SYT6: variants seen among roughly 807,000 people sequenced by gnomAD.
SYT6 encodes the protein synaptotagmin 6.
A neutral mutation model predicts 38.4 loss-of-function variants in SYT6; 24 were observed. The ratio of observed to expected loss-of-function variants is 0.62; its 90% CI spans 0.45 to 0.88. The LOEUF is 0.88. Among genes scored for constraint, SYT6 ranks in the 40% least tolerant of loss-of-function variants. SYT6 has a pLI of 0.00. For synonymous variants in SYT6, 265 were observed against 241.9 expected (o/e 1.10, Z -0.89); for missense variants, 611 against 621.0 (o/e 0.98, Z 0.17).
intron 3 of SYT6, among the ~76,000 whole-genome samples, chr1:114,130,733 T>C (rs1312820464): frequency 6.6e-6 from 1 of 152,218 alleles, no homozygotes; most frequent in African/African-American, 2.4e-5. Flanking sequence ...AGTTAGTTGT[T>C]CTAGGACCCA....
At chr1:114,100,038 G>A (rs1158922218) in intron 4 of SYT6, among the ~76,000 whole-genome samples, 1 of 152,112 alleles carries the variant, frequency 6.6e-6, no homozygotes, top group Non-Finnish European at 1.5e-5. Context: ...ATCCTGCAAA[G>A]AGATGCTTTT....
intron 3 of SYT6, among the ~76,000 whole-genome samples, chr1:114,113,707 C>T (rs868522502): frequency 6.6e-6 from 1 of 152,186 alleles, no homozygotes. Flanking sequence ...TCCAGTGCCA[C>T]ACGGAGGCCA....
At chr1:114,092,159 A>T in intron 7 of SYT6, 77 bp from the exon 8 acceptor site, 2 of 1,342,304 alleles carry the variant, frequency 1.5e-6, no homozygotes, top group Non-Finnish European at 1.0e-6. Context: ...AACTGGCCCA[A>T]TGCACTGAAT....
intron 1 of SYT6, among the ~76,000 whole-genome samples, chr1:114,151,521 G>C (rs1429732194): frequency 1.3e-5 from 2 of 152,092 alleles, no homozygotes; most frequent in African/African-American, 4.8e-5. Context: ...CCCCTACCAA[G>C]ATGTGCTGCA....
At chr1:114,126,164 C>G (rs993320411) in intron 3 of SYT6, among the ~76,000 whole-genome samples, 3 of 152,174 alleles carry the variant, frequency 2.0e-5, no homozygotes, top group Non-Finnish European at 2.9e-5. Flanking sequence ...TGACTCCCAA[C>G]CACCCCAAGC....
chr1:114,104,722 C>A (rs1010783843), intron 3 of SYT6, among the ~76,000 whole-genome samples: 3 of 152,140 alleles, frequency 2.0e-5, no homozygotes, highest in Non-Finnish European at 4.4e-5. Context: ...TATTGAGCAC[C>A]TGTTATGTGC....
chr1:114,148,701 A>G (rs1679283281), intron 1 of SYT6, among the ~76,000 whole-genome samples: 1 of 139,898 alleles, frequency 7.1e-6, no homozygotes, highest in South Asian at 2.3e-4. Context: ...TTATTTATTT[A>G]TTAATACATA....
At chr1:114,105,981 C>T (rs983310508) in intron 3 of SYT6, among the ~76,000 whole-genome samples, 7 of 152,146 alleles carry the variant, frequency 4.6e-5, no homozygotes, top group East Asian at 1.9e-4. Context: ...TCTAGCGGGG[C>T]GTAACCAGTT....
chr1:114,145,442 T>C (rs942305270), intron 1 of SYT6, among the ~76,000 whole-genome samples: 1 of 151,656 alleles, frequency 6.6e-6, no homozygotes, highest in Non-Finnish European at 1.5e-5. Flanking sequence ...TTCTGAAGTA[T>C]CACCTCTGTG....
chr1:114,096,023 T>A (rs1444547207), intron 6 of SYT6, among the ~76,000 whole-genome samples: 1 of 151,852 alleles, frequency 6.6e-6, no homozygotes, highest in African/African-American at 2.4e-5. Flanking sequence ...TTCCATGCCC[T>A]CCCCCTAAGC....
intron 2 of SYT6, 68 bp from the exon 3 acceptor site, chr1:114,138,121 C>G: frequency 6.8e-7 from 1 of 1,474,140 alleles, no homozygotes; most frequent in Non-Finnish European, 9.1e-7. Context: ...TGAAGGCAAA[C>G]ACGAGCCTGG....
chr1:114,149,791 T>A (rs1339736389), intron 1 of SYT6, among the ~76,000 whole-genome samples: 9 of 152,062 alleles, frequency 5.9e-5, no homozygotes, highest in Admixed American at 5.9e-4. Flanking sequence ...TGTTTGTACC[T>A]GCAACTAGTG....
In SYT6 at chr1:114,089,934, T is replaced by C. The variant is rs191011497; in HGVS notation, c.*2200A>G. ...TAAGAGGAATGTCTCAGATGAGCAATACTATTGTGATTCACATTGATCACA... is the reference window on the plus strand; with the variant it reads ...TAAGAGGAATGTCTCAGATGAGCAACACTATTGTGATTCACATTGATCACA... On this transcript the variant is annotated 3_prime_UTR_variant, in exon 8 of 8. Coordinates refer to ENST00000610222, the MANE Select transcript of SYT6 (RefSeq NM_001253772.2). 6.6e-6 allele frequency: 1 copy of C among 152,468 alleles called. No individual in the cohort carries two copies. The highest frequency in any genetic ancestry group is 1.9e-4 in the East Asian group (1 of 5,326). 9.4% of individuals were successfully genotyped at this position (152,468 alleles called of 1,614,324 possible). A position where few individuals can be genotyped will look rare whatever the true frequency, so the allele number is the denominator to read the frequency against.
At chr1:114,093,481 A>G (rs1019085264) in intron 7 of SYT6, among the ~76,000 whole-genome samples, 1 of 152,246 alleles carries the variant, frequency 6.6e-6, no homozygotes, top group Non-Finnish European at 1.5e-5. Flanking sequence ...TTAGCATGTC[A>G]GCACTGGAGG....
At chr1:114,137,463 C>T (rs371473850) in intron 3 of SYT6, 32 bp downstream of exon 3, 1 of 1,586,232 alleles carries the variant, frequency 6.3e-7, no homozygotes, top group African/African-American at 1.3e-5. Context: ...ACCACAAATC[C>T]TCAAGAAGCC....
At chr1:114,124,374 G>T (rs1164993729) in intron 3 of SYT6, among the ~76,000 whole-genome samples, 3 of 152,176 alleles carry the variant, frequency 2.0e-5, no homozygotes, top group Admixed American at 2.0e-4. Context: ...TGGGGATGGG[G>T]CTGGGGCTGG....
intron 3 of SYT6, among the ~76,000 whole-genome samples, chr1:114,107,658 A>G (rs1267627197): frequency 1.4e-5 from 2 of 146,850 alleles, no homozygotes; most frequent in Non-Finnish European, 3.0e-5. Context: ...AATTTTGAGT[A>G]AATAAGAGAT....
At chr1:114,143,095 A>G (rs1678949535) in intron 1 of SYT6, among the ~76,000 whole-genome samples, 1 of 150,320 alleles carries the variant, frequency 6.7e-6, no homozygotes, top group Non-Finnish European at 1.5e-5. Context: ...AGTATATTAC[A>G]GTATATTTTA....
intron 2 of SYT6, 32 bp downstream of exon 2, chr1:114,139,583 G>A (rs760076280): frequency 6.2e-7 from 1 of 1,612,922 alleles, no homozygotes; most frequent in Non-Finnish European, 8.5e-7. Context: ...TGGAGGTGTG[G>A]GGGTCAGGGA....
Sources: allele counts gnomAD v4.1 joint callset (sites outside exome capture counted in the v4.1 genomes callset), GRCh38; gene constraint gnomAD v4.1.1; transcripts MANE v1.5; gene names NCBI Gene and HGNC (gene_info 2026-07-23, HGNC 2026-07-21).